The following SLC1A4 variants were observed in gnomAD, a reference collection of about 807,000 sequenced individuals.
SLC1A4 encodes the protein solute carrier family 1 member 4.
SLC1A4 carries 19 observed loss-of-function variants against 37.7 expected under a neutral mutation model. The ratio of observed to expected loss-of-function variants is 0.50; its 90% CI spans 0.35 to 0.74. The LOEUF is 0.74. Among genes scored for constraint, SLC1A4 ranks in the 30% least tolerant of loss-of-function variants. SLC1A4 has a pLI of 0.01. For synonymous variants in SLC1A4, 299 were observed against 309.8 expected, an observed-to-expected ratio of 0.97 and a Z score of 0.37; for missense variants, 570 against 712.9, an observed-to-expected ratio of 0.80 and a Z score of 2.28.
At chr2:65,001,579 G>C in intron 2 of SLC1A4, 89 bp downstream of exon 2, 1 of 1,214,548 alleles carries the variant, frequency 8.2e-7, no homozygotes, top group Non-Finnish European at 1.2e-6. Context: ...GTAGAACAGG[G>C]AGAGATGGTG....
At position 65,001,521 on chromosome 2, in the gene SLC1A4, A is replaced by C. The variant is rs1239879541; in HGVS notation, c.570+31A>C. The C allele has an allele frequency of 1.9e-6, 3 of 1,593,598 alleles. No homozygotes were observed. In the Admixed American group the frequency reaches 5.0e-5, roughly 27 times the overall value. On this transcript the variant is annotated intron_variant, in intron 2 of 7. Coordinates refer to ENST00000234256, the MANE Select transcript of SLC1A4 (RefSeq NM_003038.5). ...GCTTGATACTTTGCTAAAAATATGA[A>C]ACTTTGATGGAAGAAATGTACCAAT...
intron 1 of SLC1A4, among the ~76,000 whole-genome samples, chr2:64,990,505 A>G (rs1375541138): frequency 6.6e-6 from 1 of 152,162 alleles, no homozygotes; most frequent in Non-Finnish European, 1.5e-5. Context: ...TCTCCCCGGT[A>G]AAAATGTTCC....
Position 65,021,044 on chromosome 2 carries a change from C to T in SLC1A4, c.1497C>T (p.Asn499=). Residue 499 remains asparagine (N), a synonymous_variant, in exon 8 of 8, where the codon AAC becomes AAT. Coordinates refer to ENST00000234256, the MANE Select transcript of SLC1A4 (RefSeq NM_003038.5). ...AGGTGAAAGTGGAAGCCATCCCCAA[C>T]TGCAAGTCTGAGGAGGAGACATCGC... ...LAEVKVEAIP[N]CKSEEETSPL... 1 of 1,614,264 alleles carries T rather than the reference C, an allele frequency of 6.2e-7. No homozygotes were observed. The highest frequency in any genetic ancestry group is 8.5e-7 in the Non-Finnish European group (1 of 1,180,050).
Position 64,989,783 on chromosome 2 carries a change from T to A in SLC1A4, c.140T>A (p.Leu47His), listed in dbSNP as rs1672971848. 6.7e-7 allele frequency: 1 copy of A among 1,503,238 alleles called. No homozygotes were observed. Among genetic ancestry groups the A allele is most frequent in the Admixed American group, 2.3e-5 (1 of 43,848 alleles). The allele number at this position is 1,503,238 out of a possible 1,614,324, so 93.1% of individuals were successfully genotyped here. Residue 47 changes from leucine to histidine, a missense_variant, in exon 1 of 8, where the codon CTC (leucine) becomes CAC (histidine). Coordinates refer to ENST00000234256, the MANE Select transcript of SLC1A4 (RefSeq NM_003038.5). ...CTGCGGCGCCAAGCGCTGGTGCTGC[T>A]CACCGTGTCCGGGGTGCTGGCGGGC... ...GFLRRQALVLLTVSGVLAGAG... is the reference protein window; with the variant it reads ...GFLRRQALVLHTVSGVLAGAG...
At chr2:65,006,219 C>T (rs1572956664) in intron 3 of SLC1A4, among the ~76,000 whole-genome samples, 1 of 152,156 alleles carries the variant, frequency 6.6e-6, no homozygotes, top group Non-Finnish European at 1.5e-5. Context: ...GAGGCTGGTG[C>T]AGTGGTTCAC....
intron 3 of SLC1A4, among the ~76,000 whole-genome samples, chr2:65,005,503 G>A (rs1418623072): frequency 6.6e-6 from 1 of 152,242 alleles, no homozygotes; most frequent in African/African-American, 2.4e-5. Flanking sequence ...TCACTGGGAT[G>A]TGGGTGTCAG....
At chr2:65,019,947 C>CA (rs1437408500) in intron 7 of SLC1A4, among the ~76,000 whole-genome samples, 1 of 152,242 alleles carries the variant, frequency 6.6e-6, no homozygotes, top group African/African-American at 2.4e-5. Context: ...TGCAGGGAGT[C>CA]AGCTCCCCAG....
Position 65,018,002 on chromosome 2 carries a change from G to C in SLC1A4, c.1035-69G>C. 1 of 1,412,508 alleles carries C rather than the reference G, an allele frequency of 7.1e-7. No homozygotes were observed. Among genetic ancestry groups the C allele is most frequent in the Non-Finnish European group, 9.9e-7 (1 of 1,011,148 alleles). The allele number at this position is 1,412,508 out of a possible 1,614,324, so 87.5% of individuals were successfully genotyped here. A position where few individuals can be genotyped will look rare whatever the true frequency, so the allele number is the denominator to read the frequency against. The stretch of plus-strand genomic sequence containing the variant: ...TGCTAATTGCTCTGTTCTGGGGTCT[G>C]AGACAAGACACATGTTAGCCTGCCT... On this transcript the variant is annotated intron_variant, in intron 5 of 7. Transcript: ENST00000234256. This position sits in a 1 kb window ranked among gnomAD's most constrained non-coding sequence, Gnocchi z 4.3.
chr2:65,010,849 T>C, intron 4 of SLC1A4, 86 bp downstream of exon 4: 1 of 1,339,484 alleles, frequency 7.5e-7, no homozygotes, highest in Non-Finnish European at 1.0e-6. Flanking sequence ...GGTACCTGTG[T>C]GGGGCCACCT....
At chr2:65,004,284 G>C (rs755343636) in intron 3 of SLC1A4, among the ~76,000 whole-genome samples, 1 of 152,002 alleles carries the variant, frequency 6.6e-6, no homozygotes. Flanking sequence ...ACAGGGTCTC[G>C]CTCTGTTGCC....
Position 65,001,591 on chromosome 2 carries a change from T to TTAACAAG in SLC1A4, c.570+101_570+102insTAACAAG. The TTAACAAG allele has an allele frequency of 4.6e-6, 5 of 1,087,056 alleles. No individual in the cohort carries two copies. In the Admixed American group the frequency reaches 1.1e-4, roughly 23 times the overall value. The allele number at this position is 1,087,056 out of a possible 1,614,324, so 67.3% of individuals were successfully genotyped here. A position where few individuals can be genotyped will look rare whatever the true frequency, so the allele number is the denominator to read the frequency against. ...AAGGTAGAACAGGGAGAGATGGTGGTGTTAACAAAACTTGGTAAGATTGGC... is the reference window on the plus strand; with the variant it reads ...AAGGTAGAACAGGGAGAGATGGTGGTTAACAAGGTTAACAAAACTTGGTAAGATTGGC... On this transcript the variant is annotated intron_variant, in intron 2 of 7. Coordinates refer to ENST00000234256, the MANE Select transcript of SLC1A4 (RefSeq NM_003038.5).
chr2:65,016,768 C>G, intron 5 of SLC1A4, 95 bp downstream of exon 5: 1 of 797,780 alleles, frequency 1.3e-6, no homozygotes, highest in Non-Finnish European at 2.1e-6. Context: ...TCTTGACATA[C>G]TTTAATTCCT....
At position 65,021,229 on chromosome 2, in the gene SLC1A4, C is replaced by T. The variant is rs891003249; in HGVS notation, c.*83C>T. On this transcript the variant is annotated 3_prime_UTR_variant, in exon 8 of 8. Coordinates refer to ENST00000234256, the MANE Select transcript of SLC1A4 (RefSeq NM_003038.5). ...CGCCAGTCATGGACACAGGGCACTG[C>T]CCTTGCCAACTTTTACCCTCCCAAG... 5.3e-6 allele frequency: 6 copies of T among 1,125,906 alleles called. No individual in the cohort carries two copies. In the African/African-American group the frequency reaches 9.3e-5, roughly 18 times the overall value. 69.7% of individuals were successfully genotyped at this position (1,125,906 alleles called of 1,614,324 possible).
intron 2 of SLC1A4, among the ~76,000 whole-genome samples, chr2:65,002,570 C>CTTTTTTTTTT (rs70937394): frequency 5.1e-5 from 3 of 59,056 alleles, no homozygotes; most frequent in Non-Finnish European, 5.8e-5. Context: ...TGTGACCATT[C>CTTTTTTTTTT]TTTTTTTTTT....
chr2:65,006,778 T>G (rs555914585), intron 3 of SLC1A4, among the ~76,000 whole-genome samples: 40 of 151,974 alleles, frequency 2.6e-4, no homozygotes, highest in South Asian at 1.9e-3. Context: ...TAAAAAAAAG[T>G]TTTTTTTCTA....
At position 64,990,038 on chromosome 2, in the gene SLC1A4, CCGTGGCCTTGG is replaced by C; in HGVS notation, c.399_409del (p.Ala134HisfsTer59). Reference sequence around the variant, plus strand: ...ACCACACTGAGTGCCTCGGCGCTCGCCGTGGCCTTGGCGTTCATCATCAAGCCAGGATCCGG... The same window carrying C: ...ACCACACTGAGTGCCTCGGCGCTCGCCGTTCATCATCAAGCCAGGATCCGG... On this transcript the variant is annotated frameshift_variant, in exon 1 of 8. Transcript: ENST00000234256. LOFTEE classifies it high-confidence loss of function. The C allele has an allele frequency of 6.2e-7, 1 of 1,604,994 alleles. No homozygotes were observed. The highest frequency in any genetic ancestry group is 8.5e-7 in the Non-Finnish European group (1 of 1,175,878).
chr2:65,018,826 T>G lies in SLC1A4; in HGVS notation c.1364+147T>G, dbSNP rs1288994380. ...TACAGTGGAGCTAAAAGGGCAAGAT[T>G]TAGAGCTAGGAAAAATTAAACAATA... On this transcript the variant is annotated intron_variant, in intron 7 of 7. Transcript: ENST00000234256. This position sits in a 1 kb window ranked among gnomAD's most constrained non-coding sequence, Gnocchi z 4.3. The G allele has an allele frequency of 1.1e-6, 1 of 897,102 alleles. No individual in the cohort carries two copies. The highest frequency in any genetic ancestry group is 1.7e-5 in the African/African-American group (1 of 60,254). 55.6% of individuals were successfully genotyped at this position (897,102 alleles called of 1,614,324 possible). A position where few individuals can be genotyped will look rare whatever the true frequency, so the allele number is the denominator to read the frequency against.
At chr2:65,019,151 G>A (rs932726105) in intron 7 of SLC1A4, among the ~76,000 whole-genome samples, 1 of 152,144 alleles carries the variant, frequency 6.6e-6, no homozygotes, top group Admixed American at 6.5e-5. Context: ...GAGGAGGTAG[G>A]GAAGAAGGTG....
rs926492868 is a variant in SLC1A4 at position 64,996,945 on chromosome 2, C to T, written c.528-4503C>T. 3.3e-5 allele frequency among the ~76,000 whole-genome samples: 5 copies of T among 152,136 alleles called. No individual in the cohort carries two copies. The East Asian group carries it at 9.6e-4, about 29-fold the overall frequency. On this transcript the variant is annotated intron_variant, in intron 1 of 7. Transcript: ENST00000234256. ...TGTTTGCCAGAGAGGCAGCTGATCC[C>T]GGATTAGAAGAGAGCTCAGGAGTAA...
Sources: allele counts gnomAD v4.1 joint callset (sites outside exome capture counted in the v4.1 genomes callset), GRCh38; gene constraint gnomAD v4.1.1; non-coding constraint Gnocchi (gnomAD v3.1); transcripts MANE v1.5; gene names NCBI Gene and HGNC (gene_info 2026-07-23, HGNC 2026-07-21).